The following GRIN3A variants were observed in gnomAD, a reference collection of about 807,000 sequenced individuals.
The protein encoded by GRIN3A is glutamate ionotropic receptor NMDA type subunit 3A.
Under a neutral mutation model 92.4 loss-of-function variants are expected in GRIN3A, and 47 were observed. That is an observed-to-expected ratio of 0.51 (90% CI 0.40 to 0.65). The LOEUF (loss-of-function observed/expected upper bound fraction) is 0.65, where lower values mean the gene tolerates loss of function less well. GRIN3A is among the 30% of genes least tolerant of loss of function. GRIN3A has a pLI of 0.00. For synonymous variants in GRIN3A, 527 were observed against 540.6 expected (o/e 0.97, Z 0.35); for missense variants, 1,324 against 1,393.1 (o/e 0.95, Z 0.79).
intron 3 of GRIN3A, among the ~76,000 whole-genome samples, chr9:101,635,414 C>T (rs1426377224): frequency 1.3e-5 from 2 of 152,118 alleles, no homozygotes; most frequent in South Asian, 2.1e-4. Context: ...ACATATGGCC[C>T]ACAAAACCTA....
intron 6 of GRIN3A, among the ~76,000 whole-genome samples, chr9:101,589,034 G>A (rs924768581): frequency 3.3e-5 from 5 of 151,880 alleles, no homozygotes; most frequent in South Asian, 4.1e-4. Flanking sequence ...GTAGTGGAGC[G>A]ATCTCAACTC....
chr9:101,579,409 G>A (rs1827863323), intron 6 of GRIN3A, 49 bp from the exon 7 acceptor site: 2 of 1,584,198 alleles, frequency 1.3e-6, no homozygotes, highest in South Asian at 1.1e-5. Flanking sequence ...GATATACCTG[G>A]CCCAATGCTT....
chr9:101,723,773 T>C (rs1830045007), intron 1 of GRIN3A, among the ~76,000 whole-genome samples: 1 of 152,092 alleles, frequency 6.6e-6, no homozygotes, highest in East Asian at 1.9e-4. Context: ...AGAGTGTCGA[T>C]TGGTGCATTC....
chr9:101,730,200 C>T (rs1017954967), intron 1 of GRIN3A, among the ~76,000 whole-genome samples: 15 of 152,270 alleles, frequency 9.9e-5, no homozygotes, highest in African/African-American at 2.9e-4. Flanking sequence ...TGCGGGTACA[C>T]TTCAGTGAAC....
intron 1 of GRIN3A, among the ~76,000 whole-genome samples, chr9:101,691,357 G>T (rs1212419719): frequency 6.6e-6 from 1 of 152,078 alleles, no homozygotes; most frequent in Non-Finnish European, 1.5e-5. Context: ...TACTGTAAAT[G>T]AAATAATAGG....
At chr9:101,735,783 G>A (rs1830196724) in intron 1 of GRIN3A, among the ~76,000 whole-genome samples, 1 of 151,816 alleles carries the variant, frequency 6.6e-6, no homozygotes, top group African/African-American at 2.4e-5. Flanking sequence ...TGGCAGCATT[G>A]TGTATCTGTG....
At chr9:101,711,288 G>C (rs1260752353) in intron 1 of GRIN3A, among the ~76,000 whole-genome samples, 1 of 152,182 alleles carries the variant, frequency 6.6e-6, no homozygotes, top group Non-Finnish European at 1.5e-5. Context: ...TAACCAACAG[G>C]CGGGTAGTGC....
chr9:101,717,337 G>A (rs545447806), intron 1 of GRIN3A, among the ~76,000 whole-genome samples: 9 of 152,212 alleles, frequency 5.9e-5, no homozygotes, highest in East Asian at 1.9e-4. Context: ...TACTCAGATC[G>A]TGTGTGAAGT....
At chr9:101,700,837 TAAAG>T (rs1373880456) in intron 1 of GRIN3A, among the ~76,000 whole-genome samples, 16 of 151,872 alleles carry the variant, frequency 1.1e-4, no homozygotes, top group Admixed American at 5.2e-4. Context: ...TGACAGTAAA[TAAAG>T]AAGAAAATGT....
chr9:101,612,132 G>T (rs147500872), intron 6 of GRIN3A, among the ~76,000 whole-genome samples: 21 of 152,340 alleles, frequency 1.4e-4, no homozygotes, highest in Non-Finnish European at 2.8e-4. Flanking sequence ...AATTTGAGGA[G>T]GCAGGAGTGA....
chr9:101,712,584 T>G (rs1357197070), intron 1 of GRIN3A, among the ~76,000 whole-genome samples: 1 of 152,180 alleles, frequency 6.6e-6, no homozygotes, highest in Non-Finnish European at 1.5e-5. Context: ...ATCCATAAGA[T>G]TCCAATAAAA....
At chr9:101,607,437 G>A (rs1828301532) in intron 6 of GRIN3A, among the ~76,000 whole-genome samples, 1 of 152,142 alleles carries the variant, frequency 6.6e-6, no homozygotes, top group Non-Finnish European at 1.5e-5. Flanking sequence ...TGGTATGTAA[G>A]GTAAAAAGTA....
chr9:101,642,859 G>T (rs1482208828), intron 3 of GRIN3A, among the ~76,000 whole-genome samples: 1 of 152,126 alleles, frequency 6.6e-6, no homozygotes, highest in Non-Finnish European at 1.5e-5. Context: ...AGAATCTAAT[G>T]CCTGATGATC....
At chr9:101,633,509 G>T (rs1828739995) in intron 3 of GRIN3A, among the ~76,000 whole-genome samples, 2 of 152,142 alleles carry the variant, frequency 1.3e-5, no homozygotes, top group Non-Finnish European at 2.9e-5. Context: ...CAAACCCCTG[G>T]GCCATGGACA....
chr9:101,717,158 T>C (rs1001724064), intron 1 of GRIN3A, among the ~76,000 whole-genome samples: 1 of 152,218 alleles, frequency 6.6e-6, no homozygotes, highest in Non-Finnish European at 1.5e-5. Flanking sequence ...AAAACAGATA[T>C]ATGAGGTCAT....
At chr9:101,713,874 A>C (rs1829911595) in intron 1 of GRIN3A, among the ~76,000 whole-genome samples, 1 of 152,100 alleles carries the variant, frequency 6.6e-6, no homozygotes, top group Non-Finnish European at 1.5e-5. Context: ...CCAGGAGTTC[A>C]AGACCAGACT....
intron 4 of GRIN3A, among the ~76,000 whole-genome samples, chr9:101,625,409 T>C (rs1441402006): frequency 3.9e-5 from 6 of 152,104 alleles, no homozygotes; most frequent in Non-Finnish European, 8.8e-5. Flanking sequence ...AAGATATCCC[T>C]AGACACCCAG....
chr9:101,623,539 G>T, intron 4 of GRIN3A, 106 bp from the exon 5 acceptor site: 1 of 785,438 alleles, frequency 1.3e-6, no homozygotes. Flanking sequence ...CGAACACTAA[G>T]GGCCGCACAA....
intron 6 of GRIN3A, chr9:101,593,461 A>G (rs1299425915): frequency 2.6e-5 from 4 of 152,254 alleles, no homozygotes; most frequent in Non-Finnish European, 4.4e-5. Context: ...TCTGTGAGCA[A>G]CAGACATAAT....
Sources: allele counts gnomAD v4.1 joint callset (sites outside exome capture counted in the v4.1 genomes callset), GRCh38; gene constraint gnomAD v4.1.1; transcripts MANE v1.5; gene names NCBI Gene and HGNC (gene_info 2026-07-23, HGNC 2026-07-21).